KIAA1217: variants seen among roughly 807,000 people sequenced by gnomAD.
KIAA1217 encodes KIAA1217.
KIAA1217 carries 88 observed loss-of-function variants against 163.9 expected under a neutral mutation model. That is an observed-to-expected ratio of 0.54 (90% confidence interval 0.45 to 0.64). KIAA1217 has a LOEUF of 0.64. Among genes scored for constraint, KIAA1217 ranks in the 30% least tolerant of loss-of-function variants. The pLI, the probability that KIAA1217 is intolerant of heterozygous loss-of-function variation, is 0.00. For missense variants in KIAA1217, 2,372 were observed against 2,475.0 expected (o/e 0.96, Z 0.88); for synonymous variants, 903 against 923.1 (o/e 0.98, Z 0.39).
chr10:24,415,584 C>T (rs1314374140), intron 3 of KIAA1217, among the ~76,000 whole-genome samples: 1 of 152,016 alleles, frequency 6.6e-6, no homozygotes, highest in Non-Finnish European at 1.5e-5. Flanking sequence ...CCTACCAGAA[C>T]ACAAGCCACC....
At chr10:24,171,109 C>A (rs780738088) in intron 2 of KIAA1217, among the ~76,000 whole-genome samples, 1 of 152,224 alleles carries the variant, frequency 6.6e-6, no homozygotes, top group South Asian at 2.1e-4. Context: ...AGGCATCAAG[C>A]ACTTCATTCA....
intron 2 of KIAA1217, among the ~76,000 whole-genome samples, chr10:24,069,513 G>C (rs1415250570): frequency 6.6e-6 from 1 of 152,144 alleles, no homozygotes; most frequent in Non-Finnish European, 1.5e-5. Flanking sequence ...TGAAATATTG[G>C]ATGTGTGGTT....
chr10:23,918,659 A>G (rs1842720625), intron 1 of KIAA1217, among the ~76,000 whole-genome samples: 1 of 152,056 alleles, frequency 6.6e-6, no homozygotes, highest in Non-Finnish European at 1.5e-5. Context: ...GCATGTACCC[A>G]GCACTGGATG....
At chr10:24,093,373 T>C (rs2062015786) in intron 2 of KIAA1217, among the ~76,000 whole-genome samples, 1 of 151,570 alleles carries the variant, frequency 6.6e-6, no homozygotes, top group Non-Finnish European at 1.5e-5. Context: ...GGTTTCACTA[T>C]GTTTGCCAGG....
At chr10:23,993,075 A>C (rs1232086141) in intron 1 of KIAA1217, among the ~76,000 whole-genome samples, 2 of 121,216 alleles carry the variant, frequency 1.6e-5, no homozygotes, top group African/African-American at 6.4e-5. Flanking sequence ...TCTGTTGCCC[A>C]GGCTTGAATG....
chr10:24,342,505 GGCATAT>G (rs1343931127), intron 2 of KIAA1217, among the ~76,000 whole-genome samples: 1 of 151,886 alleles, frequency 6.6e-6, no homozygotes, highest in Admixed American at 6.6e-5. Flanking sequence ...TTCCTCAAAT[GGCATAT>G]GCATATCCCA....
chr10:23,707,310 G>A (rs1407531216), intron 1 of KIAA1217, among the ~76,000 whole-genome samples: 1 of 152,098 alleles, frequency 6.6e-6, no homozygotes, highest in Non-Finnish European at 1.5e-5. Context: ...CCAGTGCTGG[G>A]GGAACACAGA....
chr10:24,491,947 A>G (rs925330522), intron 6 of KIAA1217, among the ~76,000 whole-genome samples: 2 of 151,764 alleles, frequency 1.3e-5, no homozygotes, highest in African/African-American at 2.4e-5. Flanking sequence ...TTTTTTCTTA[A>G]AGGAATATCC....
intron 2 of KIAA1217, among the ~76,000 whole-genome samples, chr10:24,028,071 C>A (rs887555823): frequency 1.3e-5 from 2 of 152,064 alleles, no homozygotes; most frequent in African/African-American, 2.4e-5. Flanking sequence ...CATATATTTG[C>A]TATTTTTATT....
At chr10:23,997,013 G>A (rs1456829889) in intron 1 of KIAA1217, among the ~76,000 whole-genome samples, 1 of 152,220 alleles carries the variant, frequency 6.6e-6, no homozygotes, top group African/African-American at 2.4e-5. Context: ...CTTCTTAGAA[G>A]CCCAGGATGA....
At chr10:23,751,982 G>A (rs941233891) in intron 1 of KIAA1217, among the ~76,000 whole-genome samples, 3 of 152,154 alleles carry the variant, frequency 2.0e-5, no homozygotes, top group Non-Finnish European at 4.4e-5. Flanking sequence ...TATGTGGTAT[G>A]ATTATTTGTT....
At chr10:24,353,883 A>G (rs896543057) in intron 2 of KIAA1217, among the ~76,000 whole-genome samples, 7 of 152,226 alleles carry the variant, frequency 4.6e-5, no homozygotes, top group African/African-American at 1.7e-4. Flanking sequence ...ATGAGCAAAA[A>G]ATGTGACTAG....
chr10:24,544,930 C>A (rs1485233566), intron 19 of KIAA1217, 51 bp from the exon 20 acceptor site: 1 of 1,592,418 alleles, frequency 6.3e-7, no homozygotes, highest in Admixed American at 1.7e-5. Context: ...CACAGATGAC[C>A]TACTCATGCG....
intron 2 of KIAA1217, among the ~76,000 whole-genome samples, chr10:24,093,070 T>G (rs2062004281): frequency 6.6e-6 from 1 of 151,616 alleles, no homozygotes. Flanking sequence ...CTCGACTCAC[T>G]GCAGCTTCGA....
At chr10:23,707,723 ATC>A (rs1428111942) in intron 1 of KIAA1217, among the ~76,000 whole-genome samples, 5 of 152,174 alleles carry the variant, frequency 3.3e-5, no homozygotes, top group Non-Finnish European at 5.9e-5. Context: ...TACCTCCTAA[ATC>A]TCTAAAATAA....
At chr10:24,063,769 A>G (rs1043713668) in intron 2 of KIAA1217, among the ~76,000 whole-genome samples, 3 of 152,220 alleles carry the variant, frequency 2.0e-5, no homozygotes, top group Non-Finnish European at 2.9e-5. Flanking sequence ...CTTCCTACCT[A>G]TGAACATGGA....
intron 1 of KIAA1217, among the ~76,000 whole-genome samples, chr10:23,988,185 G>A (rs555931928): frequency 1.2e-4 from 19 of 152,296 alleles, no homozygotes; most frequent in Middle Eastern, 3.4e-3. Context: ...CTGCCAGGAG[G>A]GCTCCAGATT....
At position 24,132,521 on chromosome 10, in the gene KIAA1217, G is replaced by A. The variant is rs143400691; in HGVS notation, c.-170-87105G>A. On this transcript the variant is annotated intron_variant, in intron 2 of 18. Coordinates refer to the KIAA1217 transcript ENST00000376462. ...GAATCGGACATTGTCTCTGCCCTCCGGCAGGACCCAGTCTTCTAAAGGAGC... is the reference window on the plus strand; with the variant it reads ...GAATCGGACATTGTCTCTGCCCTCCAGCAGGACCCAGTCTTCTAAAGGAGC... 9.5e-3 allele frequency among the ~76,000 whole-genome samples: 1,449 copies of A among 152,248 alleles called. 20 individuals are homozygous for A. The highest frequency in any genetic ancestry group is 0.031 in the Middle Eastern group (9 of 294).
intron 2 of KIAA1217, among the ~76,000 whole-genome samples, chr10:24,110,428 A>G (rs2062802899): frequency 6.6e-6 from 1 of 152,238 alleles, no homozygotes; most frequent in South Asian, 2.1e-4. Context: ...TTATGATTAA[A>G]CAACAAAAAC....
Sources: allele counts gnomAD v4.1 joint callset (sites outside exome capture counted in the v4.1 genomes callset), GRCh38; gene constraint gnomAD v4.1.1; transcripts MANE v1.5; gene names NCBI Gene and HGNC (gene_info 2026-07-23, HGNC 2026-07-21).